The following RFFL variants were observed in gnomAD, a reference collection of about 807,000 sequenced individuals.
RFFL encodes the protein E3 ubiquitin-protein ligase rififylin.
A neutral mutation model predicts 40.4 loss-of-function variants in RFFL; 16 were observed. The observed-to-expected ratio is 0.40, with a 90% CI of 0.27 to 0.60. The LOEUF (loss-of-function observed/expected upper bound fraction) is 0.60. Among genes scored for constraint, RFFL ranks in the 20% least tolerant of loss-of-function variants. RFFL has a pLI of 0.47. For missense variants in RFFL, 367 were observed against 451.7 expected (o/e 0.81, Z 1.70); for synonymous variants, 154 against 167.9 (o/e 0.92, Z 0.64).
At chr17:35,014,796 T>A (rs1203168204) in intron 5 of RFFL, 33 bp from the exon 6 acceptor site, 8 of 1,603,376 alleles carry the variant, frequency 5.0e-6, no homozygotes, top group Non-Finnish European at 6.8e-6. Flanking sequence ...TCTGAATAGG[T>A]AAGGCATGAT....
intron 2 of RFFL, 41 bp from the exon 3 acceptor site, chr17:35,021,822 G>C: frequency 3.1e-6 from 5 of 1,606,800 alleles, no homozygotes; most frequent in Non-Finnish European, 3.4e-6. Context: ...GTCAGATTGA[G>C]AGAACAAGAC....
intron 1 of RFFL, among the ~76,000 whole-genome samples, chr17:35,051,031 T>C (rs577161426): frequency 5.3e-5 from 8 of 152,326 alleles, no homozygotes; most frequent in South Asian, 2.1e-4. Flanking sequence ...AAATTTCCCA[T>C]TGTTATTTAA....
chr17:35,078,426 C>T (rs976294208), intron 1 of RFFL, among the ~76,000 whole-genome samples: 16 of 152,130 alleles, frequency 1.1e-4, no homozygotes, highest in Non-Finnish European at 7.4e-5. Context: ...ACTCAGACTC[C>T]TGAGTAGCTG....
intron 2 of RFFL, among the ~76,000 whole-genome samples, chr17:35,022,127 CCCTT>C (rs2091012794): frequency 6.6e-6 from 1 of 152,212 alleles, no homozygotes; most frequent in Non-Finnish European, 1.5e-5. Context: ...AAGCCTCCCT[CCCTT>C]ATTTCTTGCA....
intron 4 of RFFL, 43 bp downstream of exon 4, chr17:35,017,480 G>A: frequency 7.6e-7 from 1 of 1,308,192 alleles, no homozygotes; most frequent in Non-Finnish European, 1.1e-6. Flanking sequence ...GAACACCAGT[G>A]AAAGAGGAAA....
At chr17:35,064,401 T>C (rs951413095), upstream of RFFL, among the ~76,000 whole-genome samples, 2 of 152,166 alleles carry the variant, frequency 1.3e-5, no homozygotes, top group Non-Finnish European at 2.9e-5. Context: ...ACCTTAACAC[T>C]TGCTCTGAAA....
chr17:35,057,330 C>T (rs1354312609), intron 1 of RFFL, among the ~76,000 whole-genome samples: 1 of 152,122 alleles, frequency 6.6e-6, no homozygotes, highest in South Asian at 2.1e-4. Flanking sequence ...TCCCACTTCA[C>T]TCACCTTGCT....
chr17:35,036,295 C>T (rs2091121985), intron 1 of RFFL: 1 of 152,054 alleles, frequency 6.6e-6, no homozygotes, highest in South Asian at 2.1e-4. Flanking sequence ...AAGAATTCTC[C>T]CTAAGGTGAT....
At chr17:35,075,390 AT>A (rs1466498295) in intron 1 of RFFL, among the ~76,000 whole-genome samples, 1 of 152,186 alleles carries the variant, frequency 6.6e-6, no homozygotes, top group Non-Finnish European at 1.5e-5. Context: ...GACCATCGAC[AT>A]TTTTGGAATC....
At chr17:35,039,135 G>A (rs1271149566) in intron 1 of RFFL, among the ~76,000 whole-genome samples, 2 of 152,148 alleles carry the variant, frequency 1.3e-5, no homozygotes, top group East Asian at 3.8e-4. Flanking sequence ...TCGAACTCCT[G>A]GGCTCAAGCA....
intron 5 of RFFL, 93 bp from the exon 6 acceptor site, chr17:35,014,856 CA>C: frequency 7.8e-7 from 1 of 1,281,188 alleles, no homozygotes; most frequent in Non-Finnish European, 1.1e-6. Flanking sequence ...GAACTCTTAC[CA>C]CTCCCTGCTG....
At chr17:35,032,313 T>G (rs1049031939) in intron 1 of RFFL, among the ~76,000 whole-genome samples, 20 of 151,818 alleles carry the variant, frequency 1.3e-4, no homozygotes, top group Admixed American at 1.2e-3. Context: ...AAGCAGTGTG[T>G]GGGACAGATC....
chr17:35,070,217 C>T (rs2091340799), intron 1 of RFFL, among the ~76,000 whole-genome samples: 1 of 152,156 alleles, frequency 6.6e-6, no homozygotes, highest in Admixed American at 6.5e-5. Flanking sequence ...GTCACCGAGG[C>T]TGGAGTGCGG....
At chr17:35,074,197 G>A (rs1184487302) in intron 1 of RFFL, 1 of 152,172 alleles carries the variant, frequency 6.6e-6, no homozygotes, top group Non-Finnish European at 1.5e-5. Context: ...GAAGTCCTGT[G>A]AGGATGGGCC....
chr17:35,041,642 C>CT (rs1567708338), intron 1 of RFFL, among the ~76,000 whole-genome samples: 1 of 151,268 alleles, frequency 6.6e-6, no homozygotes, highest in Non-Finnish European at 1.5e-5. Flanking sequence ...TGGGGGAGGA[C>CT]TCCTCATGTC....
Position 35,021,755 on chromosome 17 carries a change from A to T in RFFL, c.207T>A (p.Asn69Lys), listed in dbSNP as rs144746399. The T allele has an allele frequency of 5.8e-5, 93 of 1,614,114 alleles. No homozygotes were observed. The African/African-American group carries it at 1.1e-3, about 19-fold the overall frequency. ...CTTGGCTCGAACAGGTCATGCAAAA[A>T]TTTTTCTTACAGTCCAAGCAGGTCT... Reference protein sequence around the residue: ...RKQTCLDCKKNFCMTCSSQVG... With the variant: ...RKQTCLDCKKKFCMTCSSQVG... The change falls in exon 3 of 7, where the codon AAT (asparagine) becomes AAA (lysine). Residue 69 changes from asparagine to lysine, a missense_variant. Transcript: ENST00000394597.
intron 1 of RFFL, among the ~76,000 whole-genome samples, chr17:35,035,584 C>G (rs1290793477): frequency 2.0e-5 from 3 of 151,552 alleles, no homozygotes; most frequent in Non-Finnish European, 4.4e-5. Flanking sequence ...TCTAACAGAA[C>G]AGGTTTGCCA....
At position 35,051,206 on chromosome 17, in the gene RFFL, T is replaced by G. The variant is rs1007462753; in HGVS notation, c.-9+12370A>C. On this transcript the variant is annotated intron_variant, in intron 1 of 6. Coordinates refer to ENST00000394597, the MANE Select transcript of RFFL (RefSeq NM_001017368.2). ...GGTCCCTACAAGAAAGACATGCATA[T>G]GGGTAAAGGCAAGGGCTGTAAAGGA... 1.7e-4 allele frequency among the ~76,000 whole-genome samples: 26 copies of G among 152,154 alleles called. 1 individual carries two copies. The highest frequency in any genetic ancestry group is 7.4e-5 in the Non-Finnish European group (5 of 68,004).
intron 1 of RFFL, among the ~76,000 whole-genome samples, chr17:35,072,656 C>T (rs984211134): frequency 1.3e-5 from 2 of 151,648 alleles, no homozygotes; most frequent in Non-Finnish European, 2.9e-5. Flanking sequence ...TGAGACATAA[C>T]CAATGGGAGA....
Sources: gnomAD v4.1 joint callset for allele counts (sites outside exome capture counted in the v4.1 genomes callset) on GRCh38, gnomAD v4.1.1 for gene constraint, MANE v1.5 for transcripts, NCBI Gene and HGNC (gene_info 2026-07-23, HGNC 2026-07-21) for gene names.